The following RIMS2 variants were observed in gnomAD, a reference collection of about 807,000 sequenced individuals.
The protein encoded by RIMS2 is regulating synaptic membrane exocytosis 2.
A neutral mutation model predicts 174.4 loss-of-function variants in RIMS2; 59 were observed. The observed-to-expected ratio is 0.34, with a 90% CI of 0.27 to 0.42. RIMS2 has a LOEUF of 0.42. RIMS2 is among the 10% of genes least tolerant of loss of function. The pLI is 1.00. For missense variants in RIMS2, 1,620 were observed against 1,666.3 expected (o/e 0.97, Z 0.48); for synonymous variants, 606 against 572.5 (o/e 1.06, Z -0.84).
intron 19 of RIMS2, among the ~76,000 whole-genome samples, chr8:104,097,513 T>C (rs1175822668): frequency 1.3e-5 from 2 of 151,090 alleles, no homozygotes; most frequent in East Asian, 3.9e-4. Context: ...CAGTAAAAAA[T>C]ATGACAAACT....
intron 1 of RIMS2, among the ~76,000 whole-genome samples, chr8:103,617,427 A>G (rs528383925): frequency 2.8e-4 from 43 of 152,250 alleles, no homozygotes; most frequent in Non-Finnish European, 5.7e-4. Context: ...AACCTAGGCA[A>G]TACCATTCTG....
intron 13 of RIMS2, among the ~76,000 whole-genome samples, chr8:103,942,086 T>C (rs1228553909): frequency 6.6e-6 from 1 of 152,134 alleles, no homozygotes; most frequent in Non-Finnish European, 1.5e-5. Context: ...GATTATTTCA[T>C]TACCGAGGTA....
rs533556657 is a variant in RIMS2 at position 103,539,207 on chromosome 8, T to G, written c.176+38145T>G. ...CTTGAGCAACACAATGAGACTCTGC[T>G]GCTGAGAAAAAGATGACATTATTCT... On this transcript the variant is annotated intron_variant, in intron 1 of 23. Coordinates refer to ENST00000504942, the Ensembl canonical transcript of RIMS2. 3.9e-5 allele frequency among the ~76,000 whole-genome samples: 6 copies of G among 152,322 alleles called. 1 individual carries two copies. The highest frequency in any genetic ancestry group is 1.4e-4 in the African/African-American group (6 of 41,586).
intron 17 of RIMS2, among the ~76,000 whole-genome samples, chr8:104,005,802 G>A (rs2095553771): frequency 6.6e-6 from 1 of 152,038 alleles, no homozygotes; most frequent in Non-Finnish European, 1.5e-5. Flanking sequence ...TTTGAAGAGA[G>A]GCAATGATGG....
At chr8:103,615,959 C>G (rs1359403203) in intron 1 of RIMS2, among the ~76,000 whole-genome samples, 3 of 152,100 alleles carry the variant, frequency 2.0e-5, no homozygotes, top group Non-Finnish European at 4.4e-5. Context: ...AGATGTGGTA[C>G]CATTCCTACA....
intron 1 of RIMS2, among the ~76,000 whole-genome samples, chr8:103,579,473 A>G (rs929498121): frequency 6.6e-6 from 1 of 152,242 alleles, no homozygotes; most frequent in Admixed American, 6.5e-5. Flanking sequence ...GAAGCTCAAA[A>G]GACAGATCTA....
At chr8:103,756,987 G>T (rs1465630276) in intron 2 of RIMS2, among the ~76,000 whole-genome samples, 7 of 113,842 alleles carry the variant, frequency 6.1e-5, no homozygotes, top group African/African-American at 2.6e-4. Flanking sequence ...GTCTGTGTGT[G>T]TGTGTGTGTG....
At chr8:103,684,574 A>G (rs142503169) in intron 1 of RIMS2, among the ~76,000 whole-genome samples, 24,396 of 142,374 alleles carry the variant, frequency 0.17, 3,181 homozygotes, top group East Asian at 0.61. Flanking sequence ...ATTTTATTTT[A>G]TTTTATTTTA....
At chr8:103,802,092 G>A (rs1012797876) in intron 3 of RIMS2, among the ~76,000 whole-genome samples, 1 of 152,126 alleles carries the variant, frequency 6.6e-6, no homozygotes, top group African/African-American at 2.4e-5. Flanking sequence ...GTTAGCCAAT[G>A]GTGGTGGTTT....
intron 1 of RIMS2, among the ~76,000 whole-genome samples, chr8:103,566,335 C>T (rs1434339203): frequency 6.6e-6 from 1 of 152,120 alleles, no homozygotes; most frequent in Non-Finnish European, 1.5e-5. Flanking sequence ...ACCCCATATT[C>T]CTGTCTCATA....
chr8:103,728,911 C>A (rs1237650290), intron 2 of RIMS2, among the ~76,000 whole-genome samples: 1 of 151,748 alleles, frequency 6.6e-6, no homozygotes, highest in African/African-American at 2.4e-5. Flanking sequence ...ATCCTTGTAT[C>A]CCTGGGATAA....
chr8:103,804,512 T>C (rs1411142088), intron 3 of RIMS2, among the ~76,000 whole-genome samples: 1 of 152,228 alleles, frequency 6.6e-6, no homozygotes, highest in Non-Finnish European at 1.5e-5. Flanking sequence ...CTTGACTGTT[T>C]TTCACTTGAT....
At chr8:103,801,808 T>A (rs2098609932) in intron 3 of RIMS2, among the ~76,000 whole-genome samples, 1 of 152,226 alleles carries the variant, frequency 6.6e-6, no homozygotes, top group African/African-American at 2.4e-5. Context: ...CACTAGATTG[T>A]CCACTTTTGA....
intron 19 of RIMS2, among the ~76,000 whole-genome samples, chr8:104,199,105 AG>A (rs1254027424): frequency 1.3e-5 from 2 of 152,080 alleles, no homozygotes; most frequent in Admixed American, 1.3e-4. Context: ...TTTGTCGCTC[AG>A]GCTGGAGTGC....
intron 3 of RIMS2, among the ~76,000 whole-genome samples, chr8:103,799,567 A>G (rs1417759387): frequency 6.6e-6 from 1 of 152,130 alleles, no homozygotes; most frequent in Non-Finnish European, 1.5e-5. Flanking sequence ...CCATACTTCT[A>G]CTTGTAGTGC....
chr8:103,565,979 A>G (rs1230097753), intron 1 of RIMS2, among the ~76,000 whole-genome samples: 1 of 152,198 alleles, frequency 6.6e-6, no homozygotes, highest in Non-Finnish European at 1.5e-5. Flanking sequence ...TGTTTTTCAA[A>G]TTAAGAGGCA....
intron 2 of RIMS2, among the ~76,000 whole-genome samples, chr8:103,749,331 C>A (rs1286873798): frequency 4.0e-5 from 6 of 151,732 alleles, no homozygotes; most frequent in South Asian, 2.1e-4. Flanking sequence ...CCAGGATGGT[C>A]TCGATCTCCT....
intron 19 of RIMS2, among the ~76,000 whole-genome samples, chr8:104,060,741 A>G (rs1472768959): frequency 6.6e-6 from 1 of 152,056 alleles, no homozygotes; most frequent in Non-Finnish European, 1.5e-5. Flanking sequence ...ACTGCTTTGA[A>G]TGTGTCCCAG....
At chr8:103,955,032 C>G (rs1330579343) in intron 14 of RIMS2, among the ~76,000 whole-genome samples, 2 of 152,126 alleles carry the variant, frequency 1.3e-5, no homozygotes, top group Non-Finnish European at 2.9e-5. Context: ...CACATACACC[C>G]TCCCAAGACT....
Sources: gnomAD v4.1 joint callset for allele counts (sites outside exome capture counted in the v4.1 genomes callset) on GRCh38, gnomAD v4.1.1 for gene constraint, MANE v1.5 for transcripts, NCBI Gene and HGNC (gene_info 2026-07-23, HGNC 2026-07-21) for gene names.